The following UBE3D variants were observed in gnomAD, a reference collection of about 807,000 sequenced individuals.
UBE3D encodes the protein ubiquitin protein ligase E3D.
UBE3D carries 48 observed loss-of-function variants against 49.6 expected under a neutral mutation model. The observed-to-expected ratio is 0.97, with a 90% confidence interval of 0.77 to 1.23. The LOEUF (loss-of-function observed/expected upper bound fraction) is 1.23. UBE3D is among the 50% of genes most tolerant of loss of function. The pLI, the probability that UBE3D is intolerant of heterozygous loss-of-function variation, is 0.00. For synonymous variants in UBE3D, 189 were observed against 174.2 expected (o/e 1.08, Z -0.67); for missense variants, 452 against 468.4 (o/e 0.96, Z 0.32).
intron 8 of UBE3D, among the ~76,000 whole-genome samples, chr6:82,987,913 TGTCAACATGG>T (rs1778632003): frequency 6.6e-6 from 1 of 152,206 alleles, no homozygotes; most frequent in Admixed American, 6.5e-5. Flanking sequence ...AAATGACATG[TGTCAACATGG>T]AGAAGTCTTA....
At chr6:82,968,886 C>T (rs558835230) in intron 8 of UBE3D, among the ~76,000 whole-genome samples, 1 of 152,206 alleles carries the variant, frequency 6.6e-6, no homozygotes, top group Admixed American at 6.5e-5. Context: ...TTTGTTGAGT[C>T]ATTTGCAGAG....
intron 8 of UBE3D, among the ~76,000 whole-genome samples, chr6:82,994,667 GA>G (rs1779120693): frequency 6.6e-6 from 1 of 152,186 alleles, no homozygotes. Context: ...AGAAAAGAAA[GA>G]ATGGATGTGA....
intron 8 of UBE3D, among the ~76,000 whole-genome samples, chr6:83,012,374 G>C (rs1388096480): frequency 6.6e-6 from 1 of 152,162 alleles, no homozygotes. Context: ...CTCAGTGTTG[G>C]TCTCTGCTGC....
chr6:82,903,964 T>C (rs1394601550), intron 9 of UBE3D, among the ~76,000 whole-genome samples: 1 of 152,168 alleles, frequency 6.6e-6, no homozygotes, highest in Non-Finnish European at 1.5e-5. Context: ...TACAGAACTG[T>C]TCACTGAACT....
chr6:83,047,367 GT>G (rs1783131481), intron 3 of UBE3D, among the ~76,000 whole-genome samples: 1 of 152,186 alleles, frequency 6.6e-6, no homozygotes. Context: ...CCTGAATGCA[GT>G]TTCTTCTTGG....
At chr6:83,024,686 T>G (rs974754709) in intron 5 of UBE3D, among the ~76,000 whole-genome samples, 8 of 152,254 alleles carry the variant, frequency 5.3e-5, no homozygotes, top group Non-Finnish European at 1.0e-4. Flanking sequence ...GCCACAGTGA[T>G]GTTTTGGGTC....
chr6:82,945,242 C>T (rs538032097), intron 9 of UBE3D, among the ~76,000 whole-genome samples: 1 of 152,192 alleles, frequency 6.6e-6, no homozygotes, highest in Admixed American at 6.5e-5. Context: ...CACCTCAGCC[C>T]CAGGTGGCTC....
At chr6:83,004,907 T>A in intron 8 of UBE3D, among the ~76,000 whole-genome samples, 1 of 152,086 alleles carries the variant, frequency 6.6e-6, no homozygotes, top group Non-Finnish European at 1.5e-5. Flanking sequence ...GTGCAGAGTA[T>A]CAGAATTAAG....
At chr6:82,919,653 T>C (rs932880301) in intron 9 of UBE3D, among the ~76,000 whole-genome samples, 3 of 151,810 alleles carry the variant, frequency 2.0e-5, no homozygotes, top group Non-Finnish European at 4.4e-5. Context: ...TATCAGGACA[T>C]GCAAGGACAG....
chr6:82,979,262 C>A (rs992691989), intron 8 of UBE3D, among the ~76,000 whole-genome samples: 1 of 152,108 alleles, frequency 6.6e-6, no homozygotes, highest in African/African-American at 2.4e-5. Flanking sequence ...TATACCATTA[C>A]AGGACTATTA....
At chr6:82,981,337 A>G (rs1490354492) in intron 8 of UBE3D, among the ~76,000 whole-genome samples, 1 of 152,134 alleles carries the variant, frequency 6.6e-6, no homozygotes, top group African/African-American at 2.4e-5. Flanking sequence ...TTTTATTACC[A>G]AGATCATTCA....
intron 8 of UBE3D, among the ~76,000 whole-genome samples, chr6:83,009,819 AG>A (rs984340995): frequency 1.3e-5 from 2 of 150,492 alleles, no homozygotes; most frequent in African/African-American, 4.9e-5. Context: ...AGTATTAAAG[AG>A]TATACTTCAT....
intron 9 of UBE3D, among the ~76,000 whole-genome samples, chr6:82,947,585 A>T (rs1192158518): frequency 2.0e-5 from 3 of 151,990 alleles, no homozygotes; most frequent in Admixed American, 1.3e-4. Flanking sequence ...CAGCACACAG[A>T]TCATTCTCAA....
intron 1 of UBE3D, among the ~76,000 whole-genome samples, chr6:83,060,816 T>C (rs897925164): frequency 6.6e-6 from 1 of 152,084 alleles, no homozygotes; most frequent in African/African-American, 2.4e-5. Context: ...TCTGGTATAA[T>C]ATGAACAAAA....
At chr6:83,005,482 A>G (rs1445519141) in intron 8 of UBE3D, among the ~76,000 whole-genome samples, 1 of 152,132 alleles carries the variant, frequency 6.6e-6, no homozygotes, top group Non-Finnish European at 1.5e-5. Context: ...ACTTCTAGAT[A>G]TATATCCAAA....
At chr6:82,939,247 C>T (rs1413117815) in intron 9 of UBE3D, among the ~76,000 whole-genome samples, 1 of 152,214 alleles carries the variant, frequency 6.6e-6, no homozygotes, top group African/African-American at 2.4e-5. Flanking sequence ...TAGGCCTTCT[C>T]TCCCCACCAT....
chr6:83,045,972 T>C (rs1257926230), intron 3 of UBE3D, among the ~76,000 whole-genome samples: 3 of 152,196 alleles, frequency 2.0e-5, no homozygotes, highest in African/African-American at 7.2e-5. Flanking sequence ...AGAATATTCT[T>C]CAATCTGAGT....
intron 1 of UBE3D, among the ~76,000 whole-genome samples, chr6:83,063,433 A>G (rs868221638): frequency 2.0e-5 from 3 of 150,584 alleles, no homozygotes; most frequent in Non-Finnish European, 3.0e-5. Flanking sequence ...AAAAAAAAAA[A>G]AAAAGAAAAG....
intron 3 of UBE3D, among the ~76,000 whole-genome samples, chr6:83,048,079 C>CAAAAAAAA (rs35344320): frequency 2.1e-5 from 1 of 48,062 alleles, no homozygotes; most frequent in Non-Finnish European, 3.5e-5. Context: ...GACTCCAGCT[C>CAAAAAAAA]AAAAAAAAAA....
Sources: gnomAD v4.1 joint callset for allele counts (sites outside exome capture counted in the v4.1 genomes callset) on GRCh38, gnomAD v4.1.1 for gene constraint, MANE v1.5 for transcripts, NCBI Gene and HGNC (gene_info 2026-07-23, HGNC 2026-07-21) for gene names.